FLYWCH1: variants seen among roughly 807,000 people sequenced by gnomAD.
The protein encoded by FLYWCH1 is FLYWCH-type zinc finger-containing protein 1.
Under a neutral mutation model 66.4 loss-of-function variants are expected in FLYWCH1, and 75 were observed. That is an observed-to-expected ratio of 1.13 (90% confidence interval 0.94 to 1.37). The LOEUF (loss-of-function observed/expected upper bound fraction) is 1.37, where lower values mean the gene tolerates loss of function less well. Among genes scored for constraint, FLYWCH1 ranks in the 40% most tolerant of loss-of-function variants. FLYWCH1 has a pLI of 0.00. For synonymous variants in FLYWCH1, 595 were observed against 429.9 expected, an observed-to-expected ratio of 1.38 and a Z score of -4.75; for missense variants, 1,334 against 1,001.8, an observed-to-expected ratio of 1.33 and a Z score of -4.48.
chr16:2,925,415 C>G (rs995463810), intron 2 of FLYWCH1, among the ~76,000 whole-genome samples: 9 of 149,746 alleles, frequency 6.0e-5, no homozygotes, highest in Non-Finnish European at 1.4e-4. Flanking sequence ...TTTAGCCTCA[C>G]CCGGTCCCAC....
chr16:2,931,975 A>G (rs576961639), intron 4 of FLYWCH1, among the ~76,000 whole-genome samples: 1 of 152,020 alleles, frequency 6.6e-6, no homozygotes, highest in African/African-American at 2.4e-5. Flanking sequence ...AAGATTAGCC[A>G]GGCGTGGTAG....
chr16:2,915,293 G>A (rs540791903), intron 2 of FLYWCH1: 14 of 151,882 alleles, frequency 9.2e-5, no homozygotes, highest in East Asian at 1.9e-4. Context: ...CATGCACCAC[G>A]ACCGACTAAT....
chr16:2,924,313 A>G (rs1467894576), intron 2 of FLYWCH1, among the ~76,000 whole-genome samples: 1 of 151,436 alleles, frequency 6.6e-6, no homozygotes, highest in Non-Finnish European at 1.5e-5. Flanking sequence ...CCTGGGTGAC[A>G]GAGCGAGACT....
In FLYWCH1 at chr16:2,936,516, C is replaced by A. The variant is rs549968266; in HGVS notation, c.1514-605C>A. ...CCCATCCCCTGCTTCCACTGCCACC[C>A]GATGTGTCCACGATGCCCCAGGCCA... On this transcript the variant is annotated intron_variant, in intron 6 of 9. Coordinates refer to ENST00000253928, the MANE Select transcript of FLYWCH1 (RefSeq NM_001308068.2). 6.6e-6 allele frequency: 3 copies of A among 451,764 alleles called. No homozygotes were observed. In the Admixed American group the frequency reaches 7.1e-5, roughly 11 times the overall value. 28.0% of individuals were successfully genotyped at this position (451,764 alleles called of 1,614,324 possible).
At chr16:2,920,970 T>C (rs1043494369) in intron 2 of FLYWCH1, among the ~76,000 whole-genome samples, 3 of 150,946 alleles carry the variant, frequency 2.0e-5, no homozygotes, top group Non-Finnish European at 4.4e-5. Flanking sequence ...GCCTTCCGAG[T>C]AGCTGGGACT....
intron 9 of FLYWCH1, among the ~76,000 whole-genome samples, chr16:2,944,615 G>A (rs1172098665): frequency 1.3e-5 from 2 of 152,042 alleles, no homozygotes; most frequent in Admixed American, 6.6e-5. Flanking sequence ...CTGAGGTCAG[G>A]AGTTCCAGAC....
At chr16:2,941,301 C>G (rs951153720) in intron 9 of FLYWCH1, among the ~76,000 whole-genome samples, 7 of 150,818 alleles carry the variant, frequency 4.6e-5, no homozygotes, top group African/African-American at 1.2e-4. Flanking sequence ...TTAAAACAAA[C>G]AAAACAATGA....
At chr16:2,934,251 C>T (rs2070902828) in intron 6 of FLYWCH1, among the ~76,000 whole-genome samples, 1 of 152,176 alleles carries the variant, frequency 6.6e-6, no homozygotes, top group Non-Finnish European at 1.5e-5. Context: ...CCCTCCTCTT[C>T]CTCCGTTTGT....
Position 2,933,602 on chromosome 16 carries a change from G to T in FLYWCH1, c.1249+20G>T, listed in dbSNP as rs1366754073. ...ACCCGGGTGAGCTGCCTTCCTTTGG[G>T]GCTCACCGGCCCTGCCTTGACTCTT... is the stretch of plus-strand genomic sequence containing the variant. On this transcript the variant is annotated intron_variant, in intron 5 of 9. Coordinates refer to ENST00000253928, the MANE Select transcript of FLYWCH1 (RefSeq NM_001308068.2). 1 of 1,572,754 alleles carries T rather than the reference G, an allele frequency of 6.4e-7. No individual in the cohort carries two copies. The highest frequency in any genetic ancestry group is 1.2e-5 in the South Asian group (1 of 83,932).
At chr16:2,947,387 AG>A (rs1425431154) in intron 9 of FLYWCH1, among the ~76,000 whole-genome samples, 1 of 148,618 alleles carries the variant, frequency 6.7e-6, no homozygotes, top group Non-Finnish European at 1.5e-5. Context: ...ATGTGATTGC[AG>A]TGATGGTTGT....
At position 2,933,551 on chromosome 16, in the gene FLYWCH1, A is replaced by G; in HGVS notation, c.1218A>G (p.Pro406=). 1 of 1,605,484 alleles carries G rather than the reference A, an allele frequency of 6.2e-7. No individual in the cohort carries two copies. Among genetic ancestry groups the G allele is most frequent in the Non-Finnish European group, 8.5e-7 (1 of 1,175,764 alleles). Reference sequence around the variant, plus strand: ...AGCTGCCAACCCAGCCCGAGGCCCCAGACGAGCACCAGGACATGGACGCAG... The same window carrying G: ...AGCTGCCAACCCAGCCCGAGGCCCCGGACGAGCACCAGGACATGGACGCAG... ...DQELPTQPEA[P]DEHQDMDADP... The change falls in exon 5 of 10, where the codon CCA becomes CCG. Residue 406 remains proline (P), a synonymous_variant. Coordinates refer to ENST00000253928, the MANE Select transcript of FLYWCH1 (RefSeq NM_001308068.2).
At chr16:2,945,485 C>CA (rs60942194) in intron 9 of FLYWCH1, among the ~76,000 whole-genome samples, 18,309 of 87,686 alleles carry the variant, frequency 0.21, 2,504 homozygotes, top group East Asian at 0.42. Flanking sequence ...GACTCCATCT[C>CA]AAAAAAAAAA....
At chr16:2,944,857 G>T (rs1225851008) in intron 9 of FLYWCH1, among the ~76,000 whole-genome samples, 1 of 151,774 alleles carries the variant, frequency 6.6e-6, no homozygotes, top group Non-Finnish European at 1.5e-5. Flanking sequence ...CTGTAAAACG[G>T]CCTCAGGCAG....
chr16:2,930,405 C>G lies in FLYWCH1; in HGVS notation c.326-5C>G. The G allele has an allele frequency of 6.9e-7, 1 of 1,446,278 alleles. No homozygotes were observed. The highest frequency in any genetic ancestry group is 9.1e-7 in the Non-Finnish European group (1 of 1,096,322). The allele number at this position is 1,446,278 out of a possible 1,614,324, so 89.6% of individuals were successfully genotyped here. On this transcript the variant is annotated splice_polypyrimidine_tract_variant and splice_region_variant and intron_variant, in intron 3 of 9. Transcript: ENST00000253928. Reference sequence around the variant, plus strand: ...TTAGCTAACCTAGCCTTCCCGTTCCCCCAGCAGCCCCTCAGTCCCTGGAGT... The same window carrying G: ...TTAGCTAACCTAGCCTTCCCGTTCCGCCAGCAGCCCCTCAGTCCCTGGAGT...
intron 9 of FLYWCH1, among the ~76,000 whole-genome samples, chr16:2,944,514 T>A (rs543196687): frequency 6.6e-6 from 1 of 152,232 alleles, no homozygotes; most frequent in African/African-American, 2.4e-5. Flanking sequence ...AATATACTCC[T>A]ACTTATTTAA....
intron 2 of FLYWCH1, among the ~76,000 whole-genome samples, chr16:2,916,029 A>G (rs537952076): frequency 6.6e-6 from 1 of 152,208 alleles, no homozygotes; most frequent in African/African-American, 2.4e-5. Flanking sequence ...GGAAGTCTCC[A>G]TAAGGAAACT....
chr16:2,912,750 G>T (rs7200583), intron 1 of FLYWCH1, among the ~76,000 whole-genome samples: 76,645 of 151,998 alleles, frequency 0.5, 20,154 homozygotes, highest in Middle Eastern at 0.6. Context: ...AAAGGCTGCT[G>T]CTAACCCATG....
At chr16:2,946,565 C>T (rs2071495918) in intron 9 of FLYWCH1, among the ~76,000 whole-genome samples, 2 of 151,938 alleles carry the variant, frequency 1.3e-5, no homozygotes, top group Non-Finnish European at 2.9e-5. Context: ...TCAGGTGATC[C>T]ACCTGCCTCA....
intron 2 of FLYWCH1, among the ~76,000 whole-genome samples, chr16:2,920,507 G>A (rs567823999): frequency 4.8e-5 from 6 of 126,068 alleles, no homozygotes; most frequent in Admixed American, 8.0e-5. Flanking sequence ...GTGAGACTCT[G>A]TCTTAAAAAA....
Sources: gnomAD v4.1 joint callset for allele counts (sites outside exome capture counted in the v4.1 genomes callset) on GRCh38, gnomAD v4.1.1 for gene constraint, MANE v1.5 for transcripts, NCBI Gene and HGNC (gene_info 2026-07-23, HGNC 2026-07-21) for gene names.